CAPN3: variants seen among roughly 807,000 people sequenced by gnomAD.
CAPN3 encodes the protein calpain-3.
In CAPN3, 88 loss-of-function variants were observed where a neutral mutation model predicts 114.0. The observed-to-expected ratio is 0.77, with a 90% confidence interval of 0.65 to 0.92. The LOEUF (loss-of-function observed/expected upper bound fraction) is 0.92, where lower values mean the gene tolerates loss of function less well. Ranked by LOEUF, CAPN3 falls within the 40% of genes least tolerant of loss-of-function variation. CAPN3 has a pLI of 0.00. For missense variants in CAPN3, 1,028 were observed against 1,069.0 expected (o/e 0.96, Z 0.53); for synonymous variants, 386 against 382.9 (o/e 1.01, Z -0.09).
chr15:42,369,402 T>C (rs902395262), intron 1 of CAPN3, among the ~76,000 whole-genome samples: 1 of 151,928 alleles, frequency 6.6e-6, no homozygotes, highest in Non-Finnish European at 1.5e-5. Flanking sequence ...CTTGGGAGGC[T>C]GAGGTGGGAG....
At chr15:42,410,849 C>G (rs746809345) in intron 21 of CAPN3, 35 bp from the exon 22 acceptor site, 1 of 1,553,796 alleles carries the variant, frequency 6.4e-7, no homozygotes, top group Non-Finnish European at 8.9e-7. Flanking sequence ...AGGCCTCCAG[C>G]TCCACGTCCA....
intron 9 of CAPN3, among the ~76,000 whole-genome samples, chr15:42,397,106 G>GT (rs2053716833): frequency 6.6e-6 from 1 of 152,134 alleles, no homozygotes; most frequent in Non-Finnish European, 1.5e-5. Context: ...CTTGCCTCCT[G>GT]TGTGCCCCTC....
At chr15:42,384,613 TC>T in intron 2 of CAPN3, 61 bp downstream of exon 2, 1 of 1,267,396 alleles carries the variant, frequency 7.9e-7, no homozygotes, top group South Asian at 1.2e-5. Context: ...CAAGGTGTGA[TC>T]CCCTTCCAGG....
rs28364395 is a variant in CAPN3, at chr15:42,386,088, G to A, written c.380-79G>A. 3.6e-3 allele frequency: 3,550 copies of A among 980,464 alleles called. 82 individuals carry two copies. In the African/African-American group the frequency reaches 0.05, roughly 14 times the overall value. 60.7% of individuals were successfully genotyped at this position (980,464 alleles called of 1,614,324 possible). On this transcript the variant is annotated intron_variant, in intron 2 of 23. Coordinates refer to ENST00000397163, the MANE Select transcript of CAPN3 (RefSeq NM_000070.3). ...GGGAGTCCCCGTTCAGGGAAGTGGAGTGGCTGGCTGGGATTGGGGCTTTTT... is the reference window on the plus strand; with the variant it reads ...GGGAGTCCCCGTTCAGGGAAGTGGAATGGCTGGCTGGGATTGGGGCTTTTT...
In CAPN3 at chr15:42,408,293, C is replaced by G. The variant is rs2141216734; in HGVS notation, c.1883C>G (p.Thr628Arg). ...GAGTCAGAGGAGGGCAAAGGCAAAA[C>G]AAGCCCTGATAAGCAAAAGCAGTCC... ...DQESEEGKGK[T>R]SPDKQKQSPQ... The change falls in exon 16 of 24, where the codon ACA becomes AGA. Residue 628 changes from threonine to arginine, a missense_variant. Physicochemically the swap from Thr to Arg is moderately conservative, Grantham distance 71. Transcript: ENST00000397163. 1 of 1,613,632 alleles carries G rather than the reference C, an allele frequency of 6.2e-7. No homozygotes were observed. Among genetic ancestry groups the G allele is most frequent in the Non-Finnish European group, 8.5e-7 (1 of 1,179,646 alleles).
Position 42,402,798 on chromosome 15 carries a change from A to C in CAPN3, c.1541A>C (p.His514Pro). 6.2e-7 allele frequency: 1 copy of C among 1,614,120 alleles called. No individual in the cohort carries two copies. The highest frequency in any genetic ancestry group is 8.5e-7 in the Non-Finnish European group (1 of 1,180,006). The change falls in exon 13 of 24, where the codon CAC (histidine) becomes CCC (proline). Residue 514 changes from histidine (H) to proline (P), a missense_variant. Transcript: ENST00000397163. Reference sequence around the variant, plus strand: ...TGGGCTCTCCCCATCTCTCAGATGCACGGGAACAAGCAGCACCTGCAGAAG... The same window carrying C: ...TGGGCTCTCCCCATCTCTCAGATGCCCGGGAACAAGCAGCACCTGCAGAAG... ...FAIYEVPKEMHGNKQHLQKDF... is the reference protein window; with the variant it reads ...FAIYEVPKEMPGNKQHLQKDF...
intron 3 of CAPN3, 33 bp from the exon 4 acceptor site, chr15:42,387,720 G>A: frequency 1.2e-6 from 2 of 1,614,010 alleles, no homozygotes; most frequent in Non-Finnish European, 1.7e-6. Flanking sequence ...AGTAATTTGA[G>A]TATGTGACTC....
chr15:42,406,218 T>G (rs547532476), intron 15 of CAPN3, among the ~76,000 whole-genome samples: 2 of 152,298 alleles, frequency 1.3e-5, no homozygotes, highest in East Asian at 3.9e-4. Context: ...ACTATCCCCA[T>G]TTTCAGAGGG....
intron 10 of CAPN3, among the ~76,000 whole-genome samples, chr15:42,400,768 AT>A (rs1267176733): frequency 6.6e-6 from 1 of 152,096 alleles, no homozygotes; most frequent in Non-Finnish European, 1.5e-5. Context: ...AGGGAAAGGA[AT>A]TTAGCTTGGG....
chr15:42,379,690 A>C (rs1260188503), intron 1 of CAPN3, among the ~76,000 whole-genome samples: 4 of 152,212 alleles, frequency 2.6e-5, no homozygotes, highest in African/African-American at 9.6e-5. Flanking sequence ...ATCTATATGT[A>C]ATGCCTCTCC....
At chr15:42,370,979 T>C (rs1321557399) in intron 1 of CAPN3, among the ~76,000 whole-genome samples, 1 of 152,168 alleles carries the variant, frequency 6.6e-6, no homozygotes, top group East Asian at 1.9e-4. Flanking sequence ...CTCAGGCAAA[T>C]TATTGACCAT....
In CAPN3 at chr15:42,408,296, G is replaced by C; in HGVS notation, c.1886G>C (p.Ser629Thr). Residue 629 changes from serine to threonine, a missense_variant, in exon 16 of 24, where the codon AGC becomes ACC. Coordinates refer to ENST00000397163, the MANE Select transcript of CAPN3 (RefSeq NM_000070.3). ...QESEEGKGKT[S>T]PDKQKQSPQP... Reference sequence around the variant, plus strand: ...TCAGAGGAGGGCAAAGGCAAAACAAGCCCTGATAAGCAAAAGCAGTCCCCA... The same window carrying C: ...TCAGAGGAGGGCAAAGGCAAAACAACCCCTGATAAGCAAAAGCAGTCCCCA... The C allele has an allele frequency of 6.2e-7, 1 of 1,613,568 alleles. No homozygotes were observed. Among genetic ancestry groups the C allele is most frequent in the Non-Finnish European group, 8.5e-7 (1 of 1,179,590 alleles).
chr15:42,408,317 C>T lies in CAPN3; in HGVS notation c.1907C>T (p.Ser636Phe). 1.2e-6 allele frequency: 2 copies of T among 1,608,940 alleles called. No individual in the cohort carries two copies. Among genetic ancestry groups the T allele is most frequent in the Non-Finnish European group, 1.7e-6 (2 of 1,175,434 alleles). ...GKTSPDKQKQ[S>F]PQPQPGSSDQ... ...ACAAGCCCTGATAAGCAAAAGCAGT[C>T]CCCACAGGTGTCTGGGCATGTGGCA... is the stretch of plus-strand genomic sequence containing the variant. Residue 636 changes from serine to phenylalanine, a missense_variant, in exon 16 of 24, where the codon TCC (serine) becomes TTC (phenylalanine). Ser to Phe is a radical substitution (Grantham distance 155). Transcript: ENST00000397163.
At chr15:42,407,620 T>C (rs2054061146) in intron 15 of CAPN3, among the ~76,000 whole-genome samples, 2 of 152,074 alleles carry the variant, frequency 1.3e-5, no homozygotes, top group Non-Finnish European at 2.9e-5. Flanking sequence ...TGAGCCACCG[T>C]GCCCGGCCAG....
In CAPN3 at chr15:42,405,918, T is replaced by A; in HGVS notation, c.1783-8T>A. ...ATTCTGCATTTACTGTTTCCTTTTC[T>A]TATGCAGAAAAAGAAAAAAACCAAG... On this transcript the variant is annotated splice_polypyrimidine_tract_variant and splice_region_variant and intron_variant, in intron 14 of 23. Transcript: ENST00000397163. 2 of 1,610,980 alleles carry A rather than the reference T, an allele frequency of 1.2e-6. No homozygotes were observed. The highest frequency in any genetic ancestry group is 1.7e-6 in the Non-Finnish European group (2 of 1,177,160).
chr15:42,412,034 G>A lies in CAPN3; in HGVS notation c.*261G>A. On this transcript the variant is annotated 3_prime_UTR_variant, in exon 24 of 24. Coordinates refer to ENST00000397163, the MANE Select transcript of CAPN3 (RefSeq NM_000070.3). ...CATGTGGAGGAAAGTGCCTGCCTCT[G>A]GTCCGAGCCGCCTCGGTTCTGAAGC... is the stretch of plus-strand genomic sequence containing the variant. 1 of 1,515,514 alleles carries A rather than the reference G, an allele frequency of 6.6e-7. No homozygotes were observed. Among genetic ancestry groups the A allele is most frequent in the Non-Finnish European group, 8.8e-7 (1 of 1,136,632 alleles). The allele number at this position is 1,515,514 out of a possible 1,614,324, so 93.9% of individuals were successfully genotyped here.
rs760574158 is a variant in CAPN3 at position 42,410,619 on chromosome 15, C to T, written c.2216C>T (p.Ser739Phe). 1.2e-6 allele frequency: 2 copies of T among 1,613,916 alleles called. No homozygotes were observed. Among genetic ancestry groups the T allele is most frequent in the Non-Finnish European group, 1.7e-6 (2 of 1,179,952 alleles). ...KIFKHYDTDQ[S>F]GTINSYEMRN... Reference sequence around the variant, plus strand: ...TTCAAACACTATGACACAGACCAGTCCGGCACCATCAACAGCTACGAGATG... The same window carrying T: ...TTCAAACACTATGACACAGACCAGTTCGGCACCATCAACAGCTACGAGATG... Residue 739 changes from serine (S) to phenylalanine (F), a missense_variant, in exon 21 of 24, where the codon TCC becomes TTC. Transcript: ENST00000397163.
rs181480268 is a variant in CAPN3 at position 42,376,656 on chromosome 15, G to T, written c.310-7827G>T. The stretch of plus-strand genomic sequence containing the variant: ...ATCAGTCATTTCTCCAAGGAGCACT[G>T]GTTTCTTTTATTGAAAAAGGTATTA... On this transcript the variant is annotated intron_variant, in intron 1 of 23. Coordinates refer to ENST00000397163, the MANE Select transcript of CAPN3 (RefSeq NM_000070.3). Among the ~76,000 whole-genome samples, 402 of 151,764 alleles carry T rather than the reference G, an allele frequency of 2.6e-3. 1 individual carries two copies. Among genetic ancestry groups the T allele is most frequent in the African/African-American group, 9.4e-3 (389 of 41,426 alleles).
chr15:42,389,061 A>G lies in CAPN3; in HGVS notation c.766A>G (p.Ile256Val). The change falls in exon 5 of 24, where the codon ATC becomes GTC. Residue 256 changes from isoleucine (I) to valine (V), a missense_variant. Physicochemically the swap from Ile to Val is conservative, Grantham distance 29. Coordinates refer to ENST00000397163, the MANE Select transcript of CAPN3 (RefSeq NM_000070.3). ...SDMYKIMKKA[I>V]ERGSLMGCSI... ...CATGTACAAGATCATGAAGAAAGCC[A>G]TCGAGAGAGGCTCCCTCATGGGCTG... The G allele has an allele frequency of 1.9e-6, 3 of 1,614,160 alleles. No individual in the cohort carries two copies. In the South Asian group the frequency reaches 3.3e-5, roughly 18 times the overall value.
Sources: allele counts gnomAD v4.1 joint callset (sites outside exome capture counted in the v4.1 genomes callset), GRCh38; gene constraint gnomAD v4.1.1; transcripts MANE v1.5; gene names NCBI Gene and HGNC (gene_info 2026-07-23, HGNC 2026-07-21).